Variants in ZDHHC15 observed in about 807,000 individuals in gnomAD.
The protein encoded by ZDHHC15 is zDHHC palmitoyltransferase 15, also known as palmitoyltransferase ZDHHC15.
In ZDHHC15, 19 loss-of-function variants were observed where a neutral mutation model predicts 31.7. That is an observed-to-expected ratio of 0.60 (90% CI 0.42 to 0.88). The LOEUF (loss-of-function observed/expected upper bound fraction) is 0.88, where lower values mean the gene tolerates loss of function less well. Ranked by LOEUF, ZDHHC15 falls within the 40% of genes least tolerant of loss-of-function variation. The probability of loss-of-function intolerance (pLI) is 0.00; values close to 1 mark genes in which losing one functional copy is unlikely to be tolerated. For missense variants in ZDHHC15, 209 were observed against 251.2 expected (o/e 0.83, Z 1.14); for synonymous variants, 103 against 90.0 (o/e 1.14, Z -0.82).
intron 10 of ZDHHC15, among the ~76,000 whole-genome samples, chrX:75,398,630 T>C (rs1033921113): frequency 2.7e-5 from 3 of 111,301 alleles, no homozygotes; most frequent in African/African-American, 9.8e-5. Context: ...TGGGTCCTGA[T>C]CTTGTTCCTC....
At chrX:75,433,127 C>A (rs2083802126) in intron 4 of ZDHHC15, among the ~76,000 whole-genome samples, 1 of 112,128 alleles carries the variant, frequency 8.9e-6, no homozygotes, top group Non-Finnish European at 1.9e-5. Context: ...TCAAATGAAT[C>A]TTGTAAAACT....
At chrX:75,398,620 T>C (rs187435900) in intron 10 of ZDHHC15, among the ~76,000 whole-genome samples, 1 of 110,529 alleles carries the variant, frequency 9.0e-6, no homozygotes, top group African/African-American at 3.3e-5. Flanking sequence ...CCTTTATAAG[T>C]GGGTCCTGAT....
At chrX:75,422,893 G>T (rs2083664282) in intron 8 of ZDHHC15, among the ~76,000 whole-genome samples, 1 of 107,550 alleles carries the variant, frequency 9.3e-6, no homozygotes, top group Admixed American at 1.0e-4. Flanking sequence ...CCATGCTGGT[G>T]TGCTGCACCC....
At chrX:75,451,884 C>G (rs1372741636) in intron 3 of ZDHHC15, among the ~76,000 whole-genome samples, 1 of 111,139 alleles carries the variant, frequency 9.0e-6, no homozygotes, top group East Asian at 2.8e-4. Flanking sequence ...GAAGGAACCA[C>G]TAAACATGGA....
At chrX:75,506,503 G>C (rs1213438964) in intron 1 of ZDHHC15, among the ~76,000 whole-genome samples, 1 of 111,631 alleles carries the variant, frequency 9.0e-6, no homozygotes, top group African/African-American at 3.2e-5. Context: ...TTGTTACTAT[G>C]GTTACATTTC....
chrX:75,491,543 T>G (rs1289262665), intron 2 of ZDHHC15, among the ~76,000 whole-genome samples: 1 of 107,234 alleles, frequency 9.3e-6, no homozygotes, highest in African/African-American at 3.4e-5. Context: ...AGCTAATGGG[T>G]GCAGCACACC....
At chrX:75,401,283 AAAACACACTT>A (rs2147795127) in intron 10 of ZDHHC15, among the ~76,000 whole-genome samples, 1 of 111,131 alleles carries the variant, frequency 9.0e-6, no homozygotes, top group African/African-American at 3.3e-5. Flanking sequence ...AGAAAAAAGA[AAAACACACTT>A]AAACACACTG....
rs1356239040 is a variant in ZDHHC15 at position 75,372,008 on chromosome X, A to C, written c.*970T>G. On this transcript the variant is annotated 3_prime_UTR_variant, in exon 12 of 12. Coordinates refer to ENST00000373367, the MANE Select transcript of ZDHHC15 (RefSeq NM_144969.3). ...ATCCTCAGGCTAATGTCAGCTGTGA[A>C]ACTTTACCCTTATGAAAGGCAGTGA... The C allele has an allele frequency of 8.9e-6, 1 of 112,191 alleles. No homozygotes were observed. The highest frequency in any genetic ancestry group is 3.2e-5 in the African/African-American group (1 of 30,911). 9.2% of individuals were successfully genotyped at this position (112,191 alleles called of 1,213,427 possible). A position where few individuals can be genotyped will look rare whatever the true frequency, so the allele number is the denominator to read the frequency against.
intron 3 of ZDHHC15, among the ~76,000 whole-genome samples, chrX:75,463,443 A>T (rs1489277549): frequency 3.6e-5 from 4 of 111,299 alleles, no homozygotes; most frequent in Non-Finnish European, 7.5e-5. Context: ...CCTGGAAGAG[A>T]TACAACAAAT....
intron 10 of ZDHHC15, among the ~76,000 whole-genome samples, chrX:75,400,806 G>C (rs2083348026): frequency 9.0e-6 from 1 of 111,721 alleles, no homozygotes; most frequent in Non-Finnish European, 1.9e-5. Flanking sequence ...CTATGAGCCA[G>C]AAAAGACTGG....
intron 2 of ZDHHC15, among the ~76,000 whole-genome samples, chrX:75,489,735 A>G (rs1176016779): frequency 8.9e-6 from 1 of 112,578 alleles, no homozygotes; most frequent in Non-Finnish European, 1.9e-5. Context: ...AACAAAGCTG[A>G]ACGGAGAATG....
intron 1 of ZDHHC15, among the ~76,000 whole-genome samples, chrX:75,513,383 G>T (rs2085306098): frequency 8.9e-6 from 1 of 111,822 alleles, no homozygotes; most frequent in South Asian, 3.7e-4. Context: ...TAATGAGCTG[G>T]CAAAAACTGT....
rs772371644 is a variant in ZDHHC15, at chrX:75,382,465, A to G, written c.968-3267T>C. Among the ~76,000 whole-genome samples, 26 of 112,021 alleles carry G rather than the reference A, an allele frequency of 2.3e-4. No homozygotes were observed. In the Admixed American group the frequency reaches 2.4e-3, roughly 10 times the overall value. Reference sequence around the variant, plus strand: ...TCGCTACCCAAAGGAGTACCCTTCTATAACCCAGTGTATTGTGTTTGATGT... The same window carrying G: ...TCGCTACCCAAAGGAGTACCCTTCTGTAACCCAGTGTATTGTGTTTGATGT... On this transcript the variant is annotated intron_variant, in intron 10 of 11. Coordinates refer to ENST00000373367, the MANE Select transcript of ZDHHC15 (RefSeq NM_144969.3).
chrX:75,421,945 C>G lies in ZDHHC15; in HGVS notation c.782G>C (p.Gly261Ala), dbSNP rs1186162596. ...PVFTSGPEKN[G>A]FNLGFIKNIQ... ...ATTCTTGATGAAGCCAAGGTTGAACCCATTTTTCTCTGGGCCACTTGTAAA... is the reference window on the plus strand; with the variant it reads ...ATTCTTGATGAAGCCAAGGTTGAACGCATTTTTCTCTGGGCCACTTGTAAA... The change falls in exon 9 of 12, where the codon GGG becomes GCG. Residue 261 changes from glycine to alanine, a missense_variant. By Grantham distance (60) the Gly-to-Ala change is moderately conservative. Coordinates refer to ENST00000373367, the MANE Select transcript of ZDHHC15 (RefSeq NM_144969.3). 2 of 1,208,308 alleles carry G rather than the reference C, an allele frequency of 1.7e-6. No individual in the cohort carries two copies. Among genetic ancestry groups the G allele is most frequent in the African/African-American group, 3.5e-5 (2 of 57,031 alleles).
At chrX:75,420,465 A>G (rs1458403343) in intron 9 of ZDHHC15, among the ~76,000 whole-genome samples, 5 of 111,721 alleles carry the variant, frequency 4.5e-5, no homozygotes, top group Non-Finnish European at 7.5e-5. Context: ...GTATATACCC[A>G]TCGGATTATA....
chrX:75,508,928 G>C (rs2085214842), intron 1 of ZDHHC15, among the ~76,000 whole-genome samples: 1 of 111,087 alleles, frequency 9.0e-6, no homozygotes, highest in East Asian at 2.8e-4. Context: ...TGTGTCTTTT[G>C]GCTGCATAAA....
At chrX:75,428,666 A>C (rs933126978) in intron 7 of ZDHHC15, among the ~76,000 whole-genome samples, 1 of 112,186 alleles carries the variant, frequency 8.9e-6, no homozygotes, top group Non-Finnish European at 1.9e-5. Flanking sequence ...GGGAATTAGG[A>C]AGTATTTTCT....
At chrX:75,395,210 A>G (rs1175233796) in intron 10 of ZDHHC15, among the ~76,000 whole-genome samples, 1 of 111,765 alleles carries the variant, frequency 8.9e-6, no homozygotes, top group Non-Finnish European at 1.9e-5. Context: ...AGCTGGAGCA[A>G]TCAGATAAGA....
At chrX:75,382,953 C>T (rs1260464005) in intron 10 of ZDHHC15, among the ~76,000 whole-genome samples, 1 of 111,909 alleles carries the variant, frequency 8.9e-6, no homozygotes, top group Non-Finnish European at 1.9e-5. Context: ...GTGGGAGATG[C>T]TTCCCATGCT....
Sources: allele counts gnomAD v4.1 joint callset (sites outside exome capture counted in the v4.1 genomes callset), GRCh38; gene constraint gnomAD v4.1.1; transcripts MANE v1.5; gene names NCBI Gene and HGNC (gene_info 2026-07-23, HGNC 2026-07-21).